The following ZFHX3 variants were observed in gnomAD, a reference collection of about 807,000 sequenced individuals.
The protein encoded by ZFHX3 is zinc finger homeobox protein 3.
ZFHX3 carries 42 observed loss-of-function variants against 279.1 expected under a neutral mutation model. The ratio of observed to expected loss-of-function variants is 0.15; its 90% CI spans 0.12 to 0.19. The LOEUF (loss-of-function observed/expected upper bound fraction) is 0.19. Ranked by LOEUF, ZFHX3 falls within the 10% of genes least tolerant of loss-of-function variation. ZFHX3 has a pLI of 1.00. For missense variants in ZFHX3, 4,981 were observed against 4,754.0 expected (o/e 1.05, Z -1.40); for synonymous variants, 2,293 against 1,957.8 (o/e 1.17, Z -4.52).
chr16:72,841,190 C>A (rs1317777711), intron 4 of ZFHX3, among the ~76,000 whole-genome samples: 2 of 152,126 alleles, frequency 1.3e-5, no homozygotes, highest in African/African-American at 4.8e-5. Context: ...TTTCAAGGTG[C>A]GTCTACACGT....
At chr16:73,804,550 C>T (rs932305113) in intron 1 of ZFHX3, among the ~76,000 whole-genome samples, 2 of 152,148 alleles carry the variant, frequency 1.3e-5, no homozygotes, top group East Asian at 3.9e-4. Context: ...CTTTCTTTCC[C>T]TTCTCTATCC....
At chr16:73,790,966 T>G (rs1959805921) in intron 1 of ZFHX3, among the ~76,000 whole-genome samples, 1 of 152,112 alleles carries the variant, frequency 6.6e-6, no homozygotes, top group Middle Eastern at 3.4e-3. Flanking sequence ...CAACCTCAGG[T>G]TTTTTGTTGT....
At chr16:73,750,226 GT>G (rs1246004982) in intron 1 of ZFHX3, among the ~76,000 whole-genome samples, 1 of 152,120 alleles carries the variant, frequency 6.6e-6, no homozygotes, top group African/African-American at 2.4e-5. Flanking sequence ...GGATCTTTTT[GT>G]ATCGTCCCAG....
At chr16:73,005,060 A>C (rs1407015436) in intron 1 of ZFHX3, among the ~76,000 whole-genome samples, 1 of 152,240 alleles carries the variant, frequency 6.6e-6, no homozygotes, top group Non-Finnish European at 1.5e-5. Flanking sequence ...GCTGTCAGTT[A>C]CATCAGTGTC....
At chr16:73,681,084 G>T (rs571440134) in intron 1 of ZFHX3, among the ~76,000 whole-genome samples, 1 of 152,206 alleles carries the variant, frequency 6.6e-6, no homozygotes, top group Non-Finnish European at 1.5e-5. Flanking sequence ...GGTCTTGTGG[G>T]AGAGAATAAC....
chr16:73,697,921 AC>A (rs1296565253), intron 1 of ZFHX3, among the ~76,000 whole-genome samples: 2 of 152,172 alleles, frequency 1.3e-5, no homozygotes, highest in Non-Finnish European at 2.9e-5. Flanking sequence ...CCTAGAGCCC[AC>A]CCAGATTTTG....
intron 4 of ZFHX3, among the ~76,000 whole-genome samples, chr16:72,843,217 G>A (rs62053161): frequency 0.14 from 21,338 of 151,958 alleles, 1,914 homozygotes; most frequent in East Asian, 0.37. Context: ...GGGCTCCAAA[G>A]CCACACAGTG....
chr16:72,788,558 C>T lies in ZFHX3; in HGVS notation c.9718G>A (p.Val3240Ile). ...TTGTGTGCCTTTTCCTTCTCCTTTA[C>T]TTTCTCACTGTCTTTGTCCTTGCGT... The part of the protein sequence containing the change: ...QQRKDKDSEK[V>I]KEKEKAHKGK... Residue 3240 changes from valine (V) to isoleucine (I), a missense_variant, in exon 10 of 10, where the codon GTA (valine) becomes ATA (isoleucine). Coordinates refer to ENST00000268489, the MANE Select transcript of ZFHX3 (RefSeq NM_006885.4). 6.2e-7 allele frequency: 1 copy of T among 1,614,148 alleles called. No homozygotes were observed. The highest frequency in any genetic ancestry group is 1.7e-5 in the Admixed American group (1 of 60,026).
chr16:73,794,516 C>G (rs766608721), intron 1 of ZFHX3, among the ~76,000 whole-genome samples: 35 of 152,280 alleles, frequency 2.3e-4, no homozygotes, highest in Middle Eastern at 3.4e-3. Context: ...TTGCATGGTC[C>G]TTTATTCAAA....
intron 3 of ZFHX3, among the ~76,000 whole-genome samples, chr16:73,371,616 CCTCAGTCCAT>C (rs2016632664): frequency 6.6e-6 from 1 of 152,022 alleles, no homozygotes; most frequent in African/African-American, 2.4e-5. Flanking sequence ...CGGGTGTACC[CCTCAGTCCAT>C]CTTGGTTTGC....
rs766702555 is a variant in ZFHX3, at chr16:72,889,908, C to T, written c.3271G>A (p.Val1091Ile). The stretch of plus-strand genomic sequence containing the variant: ...GCCTTGGTGGAGTAGTTGCACAGAA[C>T]GCAGTGGTAGTAGCAGCTCTCACCT... ...VEGESCYYHCVLCNYSTKAKL... is the reference protein window; with the variant it reads ...VEGESCYYHCILCNYSTKAKL... The change falls in exon 4 of 10, where the codon GTT becomes ATT. Residue 1091 changes from valine to isoleucine, a missense_variant. Around this residue, in one of 7 missense-constraint regions of ZFHX3, gnomAD observed 1,751 missense variants for 1,770.0 expected, o/e 0.99. Transcript: ENST00000268489. 1.5e-5 allele frequency: 24 copies of T among 1,614,170 alleles called. No homozygotes were observed. In the Admixed American group the frequency reaches 1.7e-4, roughly 11 times the overall value.
chr16:73,537,704 C>A (rs1015066212), intron 2 of ZFHX3, among the ~76,000 whole-genome samples: 1 of 152,198 alleles, frequency 6.6e-6, no homozygotes, highest in Non-Finnish European at 1.5e-5. Flanking sequence ...AGTCAGTAGT[C>A]CAAGTCCCTC....
chr16:73,616,958 C>T (rs1567534041), intron 2 of ZFHX3, among the ~76,000 whole-genome samples: 1 of 152,146 alleles, frequency 6.6e-6, no homozygotes, highest in South Asian at 2.1e-4. Context: ...TTCTCTATAA[C>T]GGATGCTCAA....
At chr16:73,812,079 C>A (rs2142337735) in intron 1 of ZFHX3, among the ~76,000 whole-genome samples, 1 of 152,292 alleles carries the variant, frequency 6.6e-6, no homozygotes, top group Admixed American at 6.5e-5. Context: ...AATTCAAACC[C>A]AAACAGGCTG....
intron 7 of ZFHX3, among the ~76,000 whole-genome samples, chr16:73,130,160 A>T (rs917613361): frequency 1.3e-5 from 2 of 152,086 alleles, no homozygotes; most frequent in African/African-American, 4.8e-5. Context: ...AATGTGTCTT[A>T]TGGAAGGGAT....
At chr16:73,534,778 T>C (rs774309405) in intron 2 of ZFHX3, among the ~76,000 whole-genome samples, 1 of 152,234 alleles carries the variant, frequency 6.6e-6, no homozygotes, top group Non-Finnish European at 1.5e-5. Context: ...GAGTCTTTCT[T>C]GTGGCATTTT....
At chr16:72,891,219 A>C (rs776031559) in intron 3 of ZFHX3, among the ~76,000 whole-genome samples, 1 of 152,180 alleles carries the variant, frequency 6.6e-6, no homozygotes, top group Admixed American at 6.5e-5. Flanking sequence ...GGTGTATCAG[A>C]TGGTCAGATG....
intron 2 of ZFHX3, among the ~76,000 whole-genome samples, chr16:73,606,715 T>A (rs2143873405): frequency 6.6e-6 from 1 of 152,282 alleles, no homozygotes; most frequent in African/African-American, 2.4e-5. Flanking sequence ...CTATTTTACC[T>A]AATGCTCTCC....
chr16:73,086,366 C>T (rs1597151604), intron 8 of ZFHX3, among the ~76,000 whole-genome samples: 1 of 152,064 alleles, frequency 6.6e-6, no homozygotes, highest in Non-Finnish European at 1.5e-5. Flanking sequence ...GGGTGTATGT[C>T]GCAAAGAAAG....
Sources: gnomAD v4.1 joint callset for allele counts (sites outside exome capture counted in the v4.1 genomes callset) on GRCh38, gnomAD v4.1.1 for gene constraint, gnomAD v4.1.1 regional missense constraint, MANE v1.5 for transcripts, NCBI Gene and HGNC (gene_info 2026-07-23, HGNC 2026-07-21) for gene names.